Variants in PTPRK observed in about 807,000 individuals in gnomAD.
PTPRK encodes receptor-type tyrosine-protein phosphatase kappa.
In PTPRK, 75 loss-of-function variants were observed where a neutral mutation model predicts 178.0. The observed-to-expected ratio is 0.42, with a 90% CI of 0.35 to 0.51. The LOEUF (loss-of-function observed/expected upper bound fraction) is 0.51. Among genes scored for constraint, PTPRK ranks in the 20% least tolerant of loss-of-function variants. PTPRK has a pLI of 0.02. For missense variants in PTPRK, 1,441 were observed against 1,797.8 expected, an observed-to-expected ratio of 0.80 and a Z score of 3.59; for synonymous variants, 637 against 620.6, an observed-to-expected ratio of 1.03 and a Z score of -0.39.
At chr6:128,515,223 C>G (rs1857790888) in intron 1 of PTPRK, among the ~76,000 whole-genome samples, 2 of 152,122 alleles carry the variant, frequency 1.3e-5, no homozygotes, top group South Asian at 4.1e-4. Flanking sequence ...GAAACAGCAA[C>G]AAATAAATGT....
chr6:128,463,142 T>C (rs1348582773), intron 1 of PTPRK, among the ~76,000 whole-genome samples: 1 of 151,980 alleles, frequency 6.6e-6, no homozygotes, highest in Non-Finnish European at 1.5e-5. Flanking sequence ...AAAGGTAAAA[T>C]ATTTAAAAAA....
At chr6:128,092,465 T>A (rs767257664) in intron 7 of PTPRK, among the ~76,000 whole-genome samples, 6 of 152,188 alleles carry the variant, frequency 3.9e-5, no homozygotes, top group Non-Finnish European at 8.8e-5. Context: ...TTAATTGGCA[T>A]GCACCTTAAA....
intron 24 of PTPRK, among the ~76,000 whole-genome samples, chr6:127,981,519 A>AG (rs1187363588): frequency 3.9e-5 from 6 of 152,186 alleles, no homozygotes; most frequent in African/African-American, 1.4e-4. Flanking sequence ...TAAAAGGAAA[A>AG]GGTACGCTAA....
At position 128,276,634 on chromosome 6, in the gene PTPRK, A is replaced by T. The variant is rs559117213; in HGVS notation, c.496-34032T>A. On this transcript the variant is annotated intron_variant, in intron 3 of 29. Coordinates refer to ENST00000368226, the MANE Select transcript of PTPRK (RefSeq NM_002844.4). ...GCTCCCAGTGTAATGTGATTCAGTAAAACAATTCCATTGGGAGGTAAACTG... is the reference window on the plus strand; with the variant it reads ...GCTCCCAGTGTAATGTGATTCAGTATAACAATTCCATTGGGAGGTAAACTG... 2.6e-5 allele frequency among the ~76,000 whole-genome samples: 4 copies of T among 152,290 alleles called. No homozygotes were observed. The South Asian group carries it at 8.3e-4, about 32-fold the overall frequency.
At chr6:128,074,932 T>C (rs1009854417) in intron 11 of PTPRK, among the ~76,000 whole-genome samples, 5 of 152,068 alleles carry the variant, frequency 3.3e-5, no homozygotes, top group Non-Finnish European at 5.9e-5. Context: ...CCTCTTTTCA[T>C]AGAGAGAGCA....
At chr6:127,977,783 C>T (rs1037459706) in intron 25 of PTPRK, among the ~76,000 whole-genome samples, 13 of 152,138 alleles carry the variant, frequency 8.5e-5, no homozygotes, top group African/African-American at 2.7e-4. Context: ...TAACCAAGTC[C>T]TCCTTGATTA....
Position 127,992,435 on chromosome 6 carries a change from T to C in PTPRK, c.2881+238A>G, listed in dbSNP as rs1776714434. On this transcript the variant is annotated intron_variant, in intron 19 of 29. Transcript: ENST00000368226. ...ACCTATCTGTGTAACAAGGATCAAA[T>C]CATAATAACCACTACCAGCTTTTCT... is the stretch of plus-strand genomic sequence containing the variant. Among the ~76,000 whole-genome samples, 3 of 151,790 alleles carry C rather than the reference T, an allele frequency of 2.0e-5. No individual in the cohort carries two copies. In the East Asian group the frequency reaches 5.8e-4, roughly 29 times the overall value.
At chr6:128,467,308 C>A (rs1451323127) in intron 1 of PTPRK, among the ~76,000 whole-genome samples, 1 of 152,092 alleles carries the variant, frequency 6.6e-6, no homozygotes, top group Non-Finnish European at 1.5e-5. Flanking sequence ...AATGGCAAAT[C>A]CTATCTTGCT....
At chr6:128,221,677 G>T (rs143975487) in intron 5 of PTPRK, among the ~76,000 whole-genome samples, 2,468 of 151,770 alleles carry the variant, frequency 0.016, 31 homozygotes, top group African/African-American at 0.038. Flanking sequence ...AATACCTAAG[G>T]ACATCAAATC....
intron 1 of PTPRK, among the ~76,000 whole-genome samples, chr6:128,460,494 G>T (rs986369475): frequency 6.6e-6 from 1 of 151,932 alleles, no homozygotes; most frequent in Non-Finnish European, 1.5e-5. Flanking sequence ...GTGAGCAGCT[G>T]TAATCATACC....
Position 127,992,728 on chromosome 6 carries a change from T to C in PTPRK, c.2845-19A>G, listed in dbSNP as rs754855446. On this transcript the variant is annotated intron_variant, in intron 18 of 29. Transcript: ENST00000368226. ...GGTAGCCCTAAAATAAGAGAACAAA[T>C]TAGTTATCATTTTACATCAATATCA... is the stretch of plus-strand genomic sequence containing the variant. 1.3e-5 allele frequency: 21 copies of C among 1,557,578 alleles called. No individual in the cohort carries two copies. The East Asian group carries it at 2.3e-4, about 17-fold the overall frequency.
intron 13 of PTPRK, among the ~76,000 whole-genome samples, chr6:128,011,578 A>G (rs887005449): frequency 8.6e-5 from 13 of 151,166 alleles, no homozygotes; most frequent in African/African-American, 3.1e-4. Flanking sequence ...TATATAATGT[A>G]TGTAGGTGCA....
chr6:128,112,332 A>C (rs184593777), intron 7 of PTPRK, among the ~76,000 whole-genome samples: 1 of 152,126 alleles, frequency 6.6e-6, no homozygotes, highest in African/African-American at 2.4e-5. Flanking sequence ...TGGCTAGTAC[A>C]TATGATACAG....
chr6:128,122,455 G>A (rs894342775), intron 7 of PTPRK, among the ~76,000 whole-genome samples: 2 of 152,086 alleles, frequency 1.3e-5, no homozygotes, highest in Non-Finnish European at 2.9e-5. Context: ...CTCAGCAAAA[G>A]AGACTGATAA....
At chr6:128,107,019 G>A (rs1359813800) in intron 7 of PTPRK, among the ~76,000 whole-genome samples, 2 of 151,950 alleles carry the variant, frequency 1.3e-5, no homozygotes, top group Non-Finnish European at 2.9e-5. Context: ...TATCCACTTG[G>A]CTAATTTTTG....
At chr6:128,492,005 A>C in intron 1 of PTPRK, 1 of 361,378 alleles carries the variant, frequency 2.8e-6, no homozygotes, top group Non-Finnish European at 5.6e-6. Flanking sequence ...TGATCCTATC[A>C]CTCCCCTGCC....
intron 1 of PTPRK, among the ~76,000 whole-genome samples, chr6:128,408,150 G>A (rs1382632382): frequency 2.0e-5 from 3 of 152,178 alleles, no homozygotes; most frequent in Non-Finnish European, 4.4e-5. Flanking sequence ...CACTTTGAGA[G>A]GCCAAGGCAG....
In PTPRK at chr6:128,512,512, C is replaced by T. The variant is rs147251073; in HGVS notation, c.100+7747G>A. Among the ~76,000 whole-genome samples the T allele has an allele frequency of 7.0e-3, 1,067 of 152,230 alleles. 12 individuals are homozygous for T. The highest frequency in any genetic ancestry group is 0.024 in the African/African-American group (1,011 of 41,542). On this transcript the variant is annotated intron_variant, in intron 1 of 29. Transcript: ENST00000368226. Reference sequence around the variant, plus strand: ...ATAGCAGTTGTGATTTAATCAGAGACAACACTGTTGAAACAGCTAGCACAA... The same window carrying T: ...ATAGCAGTTGTGATTTAATCAGAGATAACACTGTTGAAACAGCTAGCACAA...
At chr6:128,424,029 G>T (rs1317691668) in intron 1 of PTPRK, among the ~76,000 whole-genome samples, 1 of 150,588 alleles carries the variant, frequency 6.6e-6, no homozygotes, top group Non-Finnish European at 1.5e-5. Flanking sequence ...AGATCAGCCT[G>T]GTCAGCACAG....
Sources: allele counts gnomAD v4.1 joint callset (sites outside exome capture counted in the v4.1 genomes callset), GRCh38; gene constraint gnomAD v4.1.1; transcripts MANE v1.5; gene names NCBI Gene and HGNC (gene_info 2026-07-23, HGNC 2026-07-21).